ZNF385D: variants seen among roughly 807,000 people sequenced by gnomAD.
The protein encoded by ZNF385D is zinc finger protein 659.
ZNF385D carries 15 observed loss-of-function variants against 35.8 expected under a neutral mutation model. The ratio of observed to expected loss-of-function variants is 0.42; its 90% CI spans 0.28 to 0.64. The LOEUF (loss-of-function observed/expected upper bound fraction) is 0.64. Among genes scored for constraint, ZNF385D ranks in the 30% least tolerant of loss-of-function variants. ZNF385D has a pLI of 0.23. For synonymous variants in ZNF385D, 212 were observed against 186.8 expected (o/e 1.13, Z -1.10); for missense variants, 474 against 494.6 (o/e 0.96, Z 0.39).
intron 3 of ZNF385D, among the ~76,000 whole-genome samples, chr3:22,030,068 G>A (rs1033707395): frequency 6.0e-5 from 9 of 151,108 alleles, no homozygotes; most frequent in Non-Finnish European, 1.2e-4. Context: ...AAAAAAACAT[G>A]CAAGAGTGAG....
At chr3:21,583,955 TTTAC>T (rs977667939) in intron 2 of ZNF385D, among the ~76,000 whole-genome samples, 107 of 114,086 alleles carry the variant, frequency 9.4e-4, no homozygotes, top group African/African-American at 2.5e-3. Flanking sequence ...ATTTTACTTA[TTTAC>T]TTATTTATTT....
At chr3:21,803,629 C>T (rs148007503) in intron 3 of ZNF385D, among the ~76,000 whole-genome samples, 76 of 152,082 alleles carry the variant, frequency 5.0e-4, no homozygotes, top group African/African-American at 1.8e-3. Context: ...GACATAAAAG[C>T]TATATATATC....
At chr3:21,457,674 C>T (rs898576411) in intron 4 of ZNF385D, among the ~76,000 whole-genome samples, 8 of 152,010 alleles carry the variant, frequency 5.3e-5, no homozygotes, top group African/African-American at 9.7e-5. Flanking sequence ...CTTTCAATGA[C>T]GAATTTATTA....
chr3:21,973,600 A>G (rs1392340776), intron 3 of ZNF385D, among the ~76,000 whole-genome samples: 1 of 152,020 alleles, frequency 6.6e-6, no homozygotes, highest in African/African-American at 2.4e-5. Flanking sequence ...AATAAAGGCC[A>G]TCTAAATTGG....
intron 3 of ZNF385D, among the ~76,000 whole-genome samples, chr3:22,007,798 T>G (rs1195969491): frequency 6.8e-6 from 1 of 146,874 alleles, no homozygotes; most frequent in Non-Finnish European, 1.5e-5. Flanking sequence ...TTTGATATGA[T>G]ATATATATTA....
chr3:21,956,538 T>C (rs1328670923), intron 3 of ZNF385D, among the ~76,000 whole-genome samples: 1 of 152,140 alleles, frequency 6.6e-6, no homozygotes, highest in East Asian at 1.9e-4. Flanking sequence ...CTTTGCATTA[T>C]ACTTAGCTTT....
chr3:21,953,274 TC>T (rs1186921719), intron 3 of ZNF385D, among the ~76,000 whole-genome samples: 1 of 151,734 alleles, frequency 6.6e-6, no homozygotes, highest in African/African-American at 2.4e-5. Context: ...TTTTTTTTTT[TC>T]CTCTAAAAAG....
At chr3:22,096,497 A>G (rs1297039647) in intron 3 of ZNF385D, among the ~76,000 whole-genome samples, 11 of 152,068 alleles carry the variant, frequency 7.2e-5, no homozygotes, top group Non-Finnish European at 1.5e-5. Context: ...AACTCTAATA[A>G]GAACTCTCCT....
At chr3:21,457,724 T>C (rs1425776203) in intron 4 of ZNF385D, among the ~76,000 whole-genome samples, 1 of 152,136 alleles carries the variant, frequency 6.6e-6, no homozygotes, top group Non-Finnish European at 1.5e-5. Flanking sequence ...ACTAACATGA[T>C]GCTCTGAAAA....
chr3:21,589,487 A>G (rs1453207367), intron 2 of ZNF385D, among the ~76,000 whole-genome samples: 2 of 152,206 alleles, frequency 1.3e-5, no homozygotes, highest in African/African-American at 2.4e-5. Flanking sequence ...AAGAGTGAAG[A>G]AAAATATTTT....
At chr3:22,302,228 C>T (rs1702940079) in intron 2 of ZNF385D, among the ~76,000 whole-genome samples, 1 of 151,984 alleles carries the variant, frequency 6.6e-6, no homozygotes, top group Admixed American at 6.6e-5. Flanking sequence ...TTTCGCTAAC[C>T]ACCAGCTACC....
At position 21,421,330 on chromosome 3, in the gene ZNF385D, G is replaced by T. The variant is rs754947529; in HGVS notation, c.1072C>A (p.Arg358=). 23 of 1,613,852 alleles carry T rather than the reference G, an allele frequency of 1.4e-5. No individual in the cohort carries two copies. In the South Asian group the frequency reaches 2.2e-4, roughly 15 times the overall value. Residue 358 remains arginine, a synonymous_variant, in exon 8 of 8, where the codon CGA becomes AGA. Transcript: ENST00000281523. ...AVAVSSPFSL[R]TAPAATLFQT... ...AACAGTGTTGCTGCTGGAGCAGTTC[G>T]AAGACTGAAGGGGGAACTCACTGCC...
At chr3:21,965,259 G>C (rs1019887021) in intron 3 of ZNF385D, among the ~76,000 whole-genome samples, 2 of 152,138 alleles carry the variant, frequency 1.3e-5, no homozygotes, top group African/African-American at 4.8e-5. Context: ...TTGTAGCAAG[G>C]ATTAAAAATT....
intron 4 of ZNF385D, 112 bp from the exon 5 acceptor site, chr3:21,437,315 C>T: frequency 9.8e-7 from 1 of 1,021,550 alleles, no homozygotes; most frequent in Non-Finnish European, 1.4e-6. Flanking sequence ...GAGCAGCTAG[C>T]AATTGCTGTT....
intron 3 of ZNF385D, among the ~76,000 whole-genome samples, chr3:22,040,849 C>A (rs990068324): frequency 2.0e-5 from 3 of 152,036 alleles, no homozygotes; most frequent in Non-Finnish European, 4.4e-5. Context: ...AAATATCATG[C>A]TATGTTTGCA....
intron 2 of ZNF385D, among the ~76,000 whole-genome samples, chr3:22,183,345 T>C (rs995135368): frequency 5.9e-5 from 9 of 152,110 alleles, no homozygotes; most frequent in African/African-American, 2.2e-4. Context: ...TGAGAAGTTA[T>C]TTATTTACTT....
At chr3:21,965,413 G>A (rs951944512) in intron 3 of ZNF385D, among the ~76,000 whole-genome samples, 14 of 152,030 alleles carry the variant, frequency 9.2e-5, no homozygotes, top group African/African-American at 2.9e-4. Flanking sequence ...TAGACATAAC[G>A]TGCCAGAGCG....
chr3:21,476,307 A>C (rs1448101065), intron 4 of ZNF385D, among the ~76,000 whole-genome samples: 3 of 152,134 alleles, frequency 2.0e-5, no homozygotes, highest in African/African-American at 7.2e-5. Flanking sequence ...CCCCTAAAAC[A>C]GATCTGACAA....
chr3:21,650,645 A>G (rs2065884279), intron 2 of ZNF385D, among the ~76,000 whole-genome samples: 1 of 152,164 alleles, frequency 6.6e-6, no homozygotes, highest in Non-Finnish European at 1.5e-5. Flanking sequence ...ATAATGTATC[A>G]TGTTTTCAAA....
Sources: allele counts gnomAD v4.1 joint callset (sites outside exome capture counted in the v4.1 genomes callset), GRCh38; gene constraint gnomAD v4.1.1; transcripts MANE v1.5; gene names NCBI Gene and HGNC (gene_info 2026-07-23, HGNC 2026-07-21).